The following IL6R variants were observed in gnomAD, a reference collection of about 807,000 sequenced individuals.
IL6R encodes the protein interleukin-6 receptor subunit alpha.
In IL6R, 38 loss-of-function variants were observed where a neutral mutation model predicts 48.3. That is an observed-to-expected ratio of 0.79 (90% CI 0.61 to 1.03). The LOEUF (loss-of-function observed/expected upper bound fraction) is 1.03, where lower values mean the gene tolerates loss of function less well. Ranked by LOEUF, IL6R falls within the 50% of genes least tolerant of loss-of-function variation. IL6R has a pLI of 0.00. For missense variants in IL6R, 534 were observed against 618.3 expected (o/e 0.86, Z 1.45); for synonymous variants, 264 against 256.2 (o/e 1.03, Z -0.29).
intron 9 of IL6R, among the ~76,000 whole-genome samples, chr1:154,455,593 C>T (rs1690828301): frequency 1.3e-5 from 2 of 151,400 alleles, no homozygotes; most frequent in South Asian, 4.2e-4. Context: ...GCTGGGACCA[C>T]AGGTGCCCGC....
intron 6 of IL6R, among the ~76,000 whole-genome samples, chr1:154,443,885 AAC>A (rs1690064215): frequency 6.6e-6 from 1 of 152,204 alleles, no homozygotes; most frequent in African/African-American, 2.4e-5. Flanking sequence ...ACCCAAACCA[AAC>A]ATATCACACC....
intron 6 of IL6R, among the ~76,000 whole-genome samples, chr1:154,447,388 G>T (rs1690285327): frequency 7.3e-6 from 1 of 137,314 alleles, no homozygotes; most frequent in South Asian, 2.4e-4. Flanking sequence ...GCAGTGAGCC[G>T]AGATTATGCC....
intron 9 of IL6R, among the ~76,000 whole-genome samples, chr1:154,464,664 A>AT (rs1387475477): frequency 2.0e-5 from 3 of 152,100 alleles, no homozygotes; most frequent in East Asian, 1.9e-4. Flanking sequence ...CTCCCTGGTG[A>AT]TAAAAACAGT....
At chr1:154,414,846 C>G in intron 1 of IL6R, 1 of 758,228 alleles carries the variant, frequency 1.3e-6, no homozygotes, top group Non-Finnish European at 2.4e-6. Flanking sequence ...GGCCCAAGAG[C>G]TGGTGCATGT....
chr1:154,440,270 T>G (rs1292402030), intron 6 of IL6R, among the ~76,000 whole-genome samples: 1 of 152,210 alleles, frequency 6.6e-6, no homozygotes, highest in Non-Finnish European at 1.5e-5. Flanking sequence ...TATTCCATTG[T>G]GTAGAGATAC....
chr1:154,463,953 G>A (rs1428414560), intron 9 of IL6R, among the ~76,000 whole-genome samples: 1 of 152,080 alleles, frequency 6.6e-6, no homozygotes, highest in Non-Finnish European at 1.5e-5. Flanking sequence ...GGAGTGGACC[G>A]AGAGGCGTAG....
rs973409994 is a variant in IL6R at position 154,434,707 on chromosome 1, A to G, written c.640+7A>G. ...TTTCAGGGTTGTGGAATCTGTACGTAAGCTCTAACCCCCTCTCCAGCAGTT... is the reference window on the plus strand; with the variant it reads ...TTTCAGGGTTGTGGAATCTGTACGTGAGCTCTAACCCCCTCTCCAGCAGTT... On this transcript the variant is annotated splice_region_variant and intron_variant, in intron 4 of 9. Transcript: ENST00000368485. 3 of 1,612,580 alleles carry G rather than the reference A, an allele frequency of 1.9e-6. No individual in the cohort carries two copies. The highest frequency in any genetic ancestry group is 3.3e-5 in the Admixed American group (2 of 59,878).
In IL6R at chr1:154,469,050, C is replaced by T. The variant is rs752470908; in HGVS notation, c.*3670C>T. On this transcript the variant is annotated 3_prime_UTR_variant, in exon 10 of 10. Transcript: ENST00000368485. ...GTGCCCTGTGAAGGCCTCCTGTCCTCCGTGCGGCTGGGCACCAGCACCAGG... is the reference window on the plus strand; with the variant it reads ...GTGCCCTGTGAAGGCCTCCTGTCCTTCGTGCGGCTGGGCACCAGCACCAGG... The T allele has an allele frequency of 6.6e-6, 1 of 152,234 alleles. No homozygotes were observed. The highest frequency in any genetic ancestry group is 2.4e-5 in the African/African-American group (1 of 41,456). The allele number at this position is 152,234 out of a possible 1,614,324, so 9.4% of individuals were successfully genotyped here.
At chr1:154,411,907 C>T (rs1045200211) in intron 1 of IL6R, among the ~76,000 whole-genome samples, 32 of 148,564 alleles carry the variant, frequency 2.2e-4, no homozygotes, top group Non-Finnish European at 3.1e-4. Flanking sequence ...CTGTAACAGA[C>T]AAAAATGCAT....
chr1:154,442,563 C>T (rs1251139001), intron 6 of IL6R, among the ~76,000 whole-genome samples: 1 of 152,184 alleles, frequency 6.6e-6, no homozygotes, highest in Admixed American at 6.5e-5. Flanking sequence ...GTGCTGCCCC[C>T]TTGAGGCTGG....
intron 1 of IL6R, among the ~76,000 whole-genome samples, chr1:154,420,719 A>G (rs2149220201): frequency 6.6e-6 from 1 of 151,910 alleles, no homozygotes; most frequent in East Asian, 2.0e-4. Flanking sequence ...TATTTTTAAT[A>G]GAGACAGGGT....
intron 8 of IL6R, among the ~76,000 whole-genome samples, chr1:154,451,433 A>G (rs7536152): frequency 0.6 from 90,839 of 151,356 alleles, 27,895 homozygotes; most frequent in African/African-American, 0.7. Context: ...CAAGAGAATC[A>G]CTTGAACCTG....
chr1:154,461,191 A>G (rs942501283), intron 9 of IL6R, among the ~76,000 whole-genome samples: 3 of 152,224 alleles, frequency 2.0e-5, no homozygotes, highest in African/African-American at 4.8e-5. Flanking sequence ...GCTATCTACT[A>G]TGAGCTTCGA....
At chr1:154,458,192 G>T (rs533991011) in intron 9 of IL6R, among the ~76,000 whole-genome samples, 1 of 151,894 alleles carries the variant, frequency 6.6e-6, no homozygotes, top group African/African-American at 2.4e-5. Flanking sequence ...GGATGGTTTC[G>T]ATCTCCTGAC....
intron 9 of IL6R, among the ~76,000 whole-genome samples, chr1:154,464,843 C>G (rs1691464576): frequency 6.6e-6 from 1 of 152,052 alleles, no homozygotes; most frequent in African/African-American, 2.4e-5. Flanking sequence ...CCTGTAGCCC[C>G]AGCTACTCAG....
At chr1:154,428,891 C>T (rs1442820884) in intron 1 of IL6R, among the ~76,000 whole-genome samples, 1 of 152,142 alleles carries the variant, frequency 6.6e-6, no homozygotes. Flanking sequence ...GACAGAAGGG[C>T]CCTGCAGGCC....
rs2149263655 is a variant in IL6R at position 154,449,999 on chromosome 1, C to T, written c.1066+19C>T. The T allele has an allele frequency of 6.6e-7, 1 of 1,512,012 alleles. No homozygotes were observed. Among genetic ancestry groups the T allele is most frequent in the South Asian group, 1.1e-5 (1 of 89,034 alleles). The allele number at this position is 1,512,012 out of a possible 1,614,324, so 93.7% of individuals were successfully genotyped here. ...CTCCCAGGTAAGGACTGGGTATTTTCATATTCCCAGGGTCCGAGGGACAGA... is the reference window on the plus strand; with the variant it reads ...CTCCCAGGTAAGGACTGGGTATTTTTATATTCCCAGGGTCCGAGGGACAGA... On this transcript the variant is annotated intron_variant, in intron 8 of 9. Coordinates refer to ENST00000368485, the MANE Select transcript of IL6R (RefSeq NM_000565.4).
chr1:154,444,680 C>T (rs538437828), intron 6 of IL6R, among the ~76,000 whole-genome samples: 95 of 152,198 alleles, frequency 6.2e-4, no homozygotes, highest in African/African-American at 2.2e-3. Flanking sequence ...GGAGGATTGC[C>T]TGAGCCCAGG....
chr1:154,464,854 G>T (rs1691464810), intron 9 of IL6R, among the ~76,000 whole-genome samples: 1 of 152,140 alleles, frequency 6.6e-6, no homozygotes, highest in Non-Finnish European at 1.5e-5. Flanking sequence ...AGCTACTCAG[G>T]AGGCTGAGGT....
Sources: allele counts gnomAD v4.1 joint callset (sites outside exome capture counted in the v4.1 genomes callset), GRCh38; gene constraint gnomAD v4.1.1; transcripts MANE v1.5; gene names NCBI Gene and HGNC (gene_info 2026-07-23, HGNC 2026-07-21).